NDST4: variants seen among roughly 807,000 people sequenced by gnomAD.
NDST4 encodes N-heparan sulfate sulfotransferase 4.
Under a neutral mutation model 100.8 loss-of-function variants are expected in NDST4, and 63 were observed. That is an observed-to-expected ratio of 0.62 (90% CI 0.51 to 0.77). The LOEUF is 0.77. Ranked by LOEUF, NDST4 falls within the 30% of genes least tolerant of loss-of-function variation. The pLI, the probability that NDST4 is intolerant of heterozygous loss-of-function variation, is 0.00. For missense variants in NDST4, 943 were observed against 1,018.4 expected (o/e 0.93, Z 1.01); for synonymous variants, 377 against 361.8 (o/e 1.04, Z -0.48).
intron 10 of NDST4, among the ~76,000 whole-genome samples, chr4:114,840,712 T>C (rs1407102594): frequency 6.6e-6 from 1 of 152,202 alleles, no homozygotes; most frequent in African/African-American, 2.4e-5. Context: ...GTGAAACTTC[T>C]AAAAGTGAAT....
intron 2 of NDST4, among the ~76,000 whole-genome samples, chr4:115,015,155 C>A (rs564155074): frequency 6.6e-6 from 1 of 152,100 alleles, no homozygotes; most frequent in Non-Finnish European, 1.5e-5. Context: ...GGCGTCACAC[C>A]AATTACACAG....
chr4:114,979,846 G>A (rs867678795), intron 2 of NDST4, among the ~76,000 whole-genome samples: 2 of 143,744 alleles, frequency 1.4e-5, no homozygotes, highest in Admixed American at 6.7e-5. Flanking sequence ...AAAACAAAAC[G>A]AATGAAAAAA....
intron 6 of NDST4, among the ~76,000 whole-genome samples, chr4:114,895,700 A>G (rs1724699000): frequency 6.6e-6 from 1 of 152,210 alleles, no homozygotes; most frequent in Admixed American, 6.5e-5. Context: ...ACTTCAGGCC[A>G]ATATCCCTGA....
chr4:114,942,509 T>C (rs550943404), intron 4 of NDST4, among the ~76,000 whole-genome samples: 3 of 152,288 alleles, frequency 2.0e-5, no homozygotes, highest in East Asian at 3.9e-4. Context: ...TTAGTAGAGA[T>C]TGAAATTAAA....
At chr4:114,991,607 A>T (rs1727042422) in intron 2 of NDST4, among the ~76,000 whole-genome samples, 1 of 152,086 alleles carries the variant, frequency 6.6e-6, no homozygotes, top group East Asian at 1.9e-4. Flanking sequence ...TCACATTTGC[A>T]GGCAATGCAT....
chr4:115,047,368 A>C (rs1728484363), intron 2 of NDST4, among the ~76,000 whole-genome samples: 1 of 152,166 alleles, frequency 6.6e-6, no homozygotes, highest in South Asian at 2.1e-4. Flanking sequence ...AAAACCAGAC[A>C]GACAGGCACA....
At chr4:114,919,254 A>G (rs1296276916) in intron 6 of NDST4, among the ~76,000 whole-genome samples, 1 of 152,120 alleles carries the variant, frequency 6.6e-6, no homozygotes, top group East Asian at 1.9e-4. Context: ...TGTGGAGTTG[A>G]TTGTTGGTGA....
intron 13 of NDST4, among the ~76,000 whole-genome samples, chr4:114,828,831 C>A (rs937319524): frequency 6.6e-6 from 1 of 152,158 alleles, no homozygotes; most frequent in African/African-American, 2.4e-5. Context: ...CACAAATGGT[C>A]TTTTACCACA....
chr4:114,977,604 G>A (rs1429410387), intron 2 of NDST4, among the ~76,000 whole-genome samples: 1 of 152,016 alleles, frequency 6.6e-6, no homozygotes, highest in East Asian at 1.9e-4. Flanking sequence ...CCTTTATGTG[G>A]TGAAAATTTT....
chr4:115,058,315 A>G (rs1036727875), intron 2 of NDST4, among the ~76,000 whole-genome samples: 2 of 152,140 alleles, frequency 1.3e-5, no homozygotes, highest in African/African-American at 4.8e-5. Context: ...ATATCCTTGT[A>G]CTTGTATTTG....
At chr4:115,049,917 C>A (rs993596219) in intron 2 of NDST4, among the ~76,000 whole-genome samples, 2 of 152,202 alleles carry the variant, frequency 1.3e-5, no homozygotes, top group East Asian at 3.9e-4. Flanking sequence ...GCCCATTAAG[C>A]CTTAGTTCAT....
chr4:114,976,823 T>A (rs1320412329), intron 3 of NDST4, among the ~76,000 whole-genome samples: 4 of 151,976 alleles, frequency 2.6e-5, no homozygotes, highest in African/African-American at 9.7e-5. Flanking sequence ...TCTCATCAAC[T>A]ATTTGATAAT....
At chr4:114,834,051 C>A (rs530391076) in intron 11 of NDST4, among the ~76,000 whole-genome samples, 5 of 152,236 alleles carry the variant, frequency 3.3e-5, no homozygotes, top group Admixed American at 2.6e-4. Context: ...ATCCAGCCTA[C>A]CAAATTCCTA....
In NDST4 at chr4:114,848,347, A is replaced by G; in HGVS notation, c.1817-9T>C. 1 of 1,565,136 alleles carries G rather than the reference A, an allele frequency of 6.4e-7. No individual in the cohort carries two copies. Among genetic ancestry groups the G allele is most frequent in the Non-Finnish European group, 8.6e-7 (1 of 1,157,828 alleles). On this transcript the variant is annotated splice_polypyrimidine_tract_variant and intron_variant, in intron 8 of 13. Transcript: ENST00000264363. ...ATAAAGTGCAGTTGTTCCTGTTACA[A>G]AAAAAGAAAGTAAAAGGTTATATGG...
At chr4:115,103,783 T>C (rs549377222) in intron 1 of NDST4, among the ~76,000 whole-genome samples, 190 of 152,324 alleles carry the variant, frequency 1.2e-3, no homozygotes, top group African/African-American at 4.0e-3. Context: ...CATGTAAATA[T>C]ATCCTGTATA....
intron 2 of NDST4, among the ~76,000 whole-genome samples, chr4:114,978,851 C>T (rs1316773005): frequency 6.6e-6 from 1 of 152,010 alleles, no homozygotes; most frequent in African/African-American, 2.4e-5. Context: ...ATTCATTATT[C>T]TGCATTTATT....
intron 2 of NDST4, among the ~76,000 whole-genome samples, chr4:115,005,923 C>G (rs1239651330): frequency 6.6e-6 from 1 of 150,874 alleles, no homozygotes; most frequent in Non-Finnish European, 1.5e-5. Flanking sequence ...ATCTCAGCTA[C>G]TCGGGAGGCT....
chr4:115,111,319 A>G (rs72900688), intron 1 of NDST4, among the ~76,000 whole-genome samples: 4,405 of 152,004 alleles, frequency 0.029, 219 homozygotes, highest in African/African-American at 0.1. Flanking sequence ...AAGAATAGGT[A>G]TAACAGTTTT....
intron 2 of NDST4, among the ~76,000 whole-genome samples, chr4:114,980,180 T>C (rs973711676): frequency 5.9e-5 from 9 of 152,210 alleles, no homozygotes; most frequent in Non-Finnish European, 1.2e-4. Flanking sequence ...AAATTTAACT[T>C]ATTCTTTTAA....
Sources: gnomAD v4.1 joint callset for allele counts (sites outside exome capture counted in the v4.1 genomes callset) on GRCh38, gnomAD v4.1.1 for gene constraint, MANE v1.5 for transcripts, NCBI Gene and HGNC (gene_info 2026-07-23, HGNC 2026-07-21) for gene names.